Variants in YIPF4 observed in about 807,000 individuals in gnomAD.
YIPF4 encodes the protein protein YIPF4.
In YIPF4, 18 loss-of-function variants were observed where a neutral mutation model predicts 29.4. That is an observed-to-expected ratio of 0.61 (90% CI 0.42 to 0.91). YIPF4 has a LOEUF of 0.91. Ranked by LOEUF, YIPF4 falls within the 40% of genes least tolerant of loss-of-function variation. The pLI is 0.00. For synonymous variants in YIPF4, 115 were observed against 104.7 expected (o/e 1.10, Z -0.60); for missense variants, 279 against 282.7 (o/e 0.99, Z 0.09).
chr2:32,282,031 C>T (rs2030440061), intron 1 of YIPF4, among the ~76,000 whole-genome samples: 2 of 151,222 alleles, frequency 1.3e-5, no homozygotes, highest in African/African-American at 2.4e-5. Context: ...CCAGTGTGCT[C>T]CAGCCTAGGC....
intron 1 of YIPF4, among the ~76,000 whole-genome samples, chr2:32,280,016 T>G (rs2030321630): frequency 6.7e-6 from 1 of 150,030 alleles, no homozygotes; most frequent in Non-Finnish European, 1.5e-5. Context: ...CCCGCTTCAG[T>G]CTCCTGAGTA....
At chr2:32,285,327 T>A (rs974462078) in intron 1 of YIPF4, among the ~76,000 whole-genome samples, 12 of 152,252 alleles carry the variant, frequency 7.9e-5, no homozygotes, top group Non-Finnish European at 1.5e-5. Context: ...AATATTGAAT[T>A]TTAGATGCCT....
intron 3 of YIPF4, among the ~76,000 whole-genome samples, chr2:32,296,520 A>G (rs952920578): frequency 2.0e-5 from 3 of 151,944 alleles, no homozygotes; most frequent in African/African-American, 4.8e-5. Context: ...ATACCATCAT[A>G]GAACGTCACT....
intron 3 of YIPF4, among the ~76,000 whole-genome samples, chr2:32,294,880 C>T (rs567306197): frequency 2.6e-5 from 4 of 152,364 alleles, no homozygotes; most frequent in African/African-American, 4.8e-5. Flanking sequence ...GCCCGGCCAA[C>T]ACAGCGAAAC....
chr2:32,279,375 A>G (rs62134043), intron 1 of YIPF4, among the ~76,000 whole-genome samples: 9,465 of 148,488 alleles, frequency 0.064, 450 homozygotes, highest in Admixed American at 0.14. Flanking sequence ...TTTCAGTCTG[A>G]GAAAGAACCT....
At chr2:32,292,891 T>C (rs1178814109) in intron 3 of YIPF4, among the ~76,000 whole-genome samples, 1 of 148,258 alleles carries the variant, frequency 6.7e-6, no homozygotes, top group Non-Finnish European at 1.5e-5. Flanking sequence ...AAAGAAAATA[T>C]TAGTATTTGT....
In YIPF4 at chr2:32,306,726, C is replaced by T; in HGVS notation, c.*1100C>T. ...AAATAATTTCATAGGTTTTTAGATA[C>T]ACCTGTAGTTAATATTACTTTGTAA... On this transcript the variant is annotated 3_prime_UTR_variant, in exon 6 of 6. Coordinates refer to ENST00000238831, the MANE Select transcript of YIPF4 (RefSeq NM_032312.4). 2.7e-6 allele frequency: 1 copy of T among 373,124 alleles called. No individual in the cohort carries two copies. The highest frequency in any genetic ancestry group is 3.7e-6 in the Non-Finnish European group (1 of 270,350). The allele number at this position is 373,124 out of a possible 1,614,324, so 23.1% of individuals were successfully genotyped here. A position where few individuals can be genotyped will look rare whatever the true frequency, so the allele number is the denominator to read the frequency against.
In YIPF4 at chr2:32,305,695, G is replaced by T; in HGVS notation, c.*69G>T. On this transcript the variant is annotated 3_prime_UTR_variant, in exon 6 of 6. Transcript: ENST00000238831. ...TGTAGGCTGGGAATTCTTGCTGAAG[G>T]AATTGGAGAAAACCTGTTGCTGCAA... is the stretch of plus-strand genomic sequence containing the variant. 1 of 1,344,480 alleles carries T rather than the reference G, an allele frequency of 7.4e-7. No homozygotes were observed. The allele number at this position is 1,344,480 out of a possible 1,614,324, so 83.3% of individuals were successfully genotyped here. A position where few individuals can be genotyped will look rare whatever the true frequency, so the allele number is the denominator to read the frequency against.
Position 32,306,880 on chromosome 2 carries a change from G to A in YIPF4, c.*1254G>A, listed in dbSNP as rs1334364186. 4 of 260,276 alleles carry A rather than the reference G, an allele frequency of 1.5e-5. No individual in the cohort carries two copies. The highest frequency in any genetic ancestry group is 2.3e-5 in the African/African-American group (1 of 43,062). 16.1% of individuals were successfully genotyped at this position (260,276 alleles called of 1,614,324 possible). On this transcript the variant is annotated 3_prime_UTR_variant, in exon 6 of 6. Coordinates refer to ENST00000238831, the MANE Select transcript of YIPF4 (RefSeq NM_032312.4). Reference sequence around the variant, plus strand: ...GCTGTCCTCAGTATGATAACATGGCGACCTCTTGGTATGTATTTCTTTAGC... The same window carrying A: ...GCTGTCCTCAGTATGATAACATGGCAACCTCTTGGTATGTATTTCTTTAGC...
rs1162542220 is a variant in YIPF4 at position 32,310,343 on chromosome 2, A to G, written c.*4717A>G. 4 of 151,772 alleles carry G rather than the reference A, an allele frequency of 2.6e-5. No individual in the cohort carries two copies. The highest frequency in any genetic ancestry group is 4.4e-5 in the Non-Finnish European group (3 of 68,020). 9.4% of individuals were successfully genotyped at this position (151,772 alleles called of 1,614,324 possible). A position where few individuals can be genotyped will look rare whatever the true frequency, so the allele number is the denominator to read the frequency against. The stretch of plus-strand genomic sequence containing the variant: ...AGATCCTGCCTCTGAAAAAATCATA[A>G]TAATACTTTAATTTAGAAAATACCC... On this transcript the variant is annotated 3_prime_UTR_variant, in exon 6 of 6. Coordinates refer to ENST00000238831, the MANE Select transcript of YIPF4 (RefSeq NM_032312.4).
At chr2:32,284,814 A>G (rs1388161043) in intron 1 of YIPF4, among the ~76,000 whole-genome samples, 1 of 152,214 alleles carries the variant, frequency 6.6e-6, no homozygotes, top group African/African-American at 2.4e-5. Context: ...ATCCAGGTTC[A>G]TTCAGAGAAA....
intron 1 of YIPF4, 50 bp downstream of exon 1, chr2:32,278,284 G>C (rs2030203534): frequency 6.6e-7 from 1 of 1,506,564 alleles, no homozygotes; most frequent in African/African-American, 1.4e-5. Context: ...GCCAGGGCCC[G>C]ACGCCGTAGG....
Position 32,307,827 on chromosome 2 carries a change from G to GCTGA in YIPF4, c.*2202_*2205dup, listed in dbSNP as rs1458964212. ...CTGTATAATCCCAGCTACTCAGGAG[G>GCTGA]CTGAGGCAGGGAGAATCGCTTGAAC... On this transcript the variant is annotated 3_prime_UTR_variant, in exon 6 of 6. Coordinates refer to ENST00000238831, the MANE Select transcript of YIPF4 (RefSeq NM_032312.4). The GCTGA allele has an allele frequency of 1.3e-5, 2 of 151,504 alleles. No homozygotes were observed. The highest frequency in any genetic ancestry group is 3.9e-4 in the East Asian group (2 of 5,110). 9.4% of individuals were successfully genotyped at this position (151,504 alleles called of 1,614,324 possible).
At chr2:32,284,417 T>C (rs1485723478) in intron 1 of YIPF4, among the ~76,000 whole-genome samples, 2 of 152,098 alleles carry the variant, frequency 1.3e-5, no homozygotes, top group Non-Finnish European at 2.9e-5. Flanking sequence ...AGAGGCCTGG[T>C]GGGAGGTGAC....
chr2:32,303,091 A>T (rs1190982389), intron 5 of YIPF4, among the ~76,000 whole-genome samples: 1 of 152,180 alleles, frequency 6.6e-6, no homozygotes, highest in Admixed American at 6.6e-5. Flanking sequence ...CTGATCAGGC[A>T]TGGTGGCTAC....
intron 1 of YIPF4, among the ~76,000 whole-genome samples, chr2:32,278,514 TTGGACCCACAAAATCC>T (rs1553351301): frequency 6.6e-6 from 1 of 152,136 alleles, no homozygotes; most frequent in Non-Finnish European, 1.5e-5. Context: ...GTCTCTTCAA[TTGGACCCACAAAATCC>T]TAAGCTTTTA....
At chr2:32,296,591 A>T (rs1245052578) in intron 3 of YIPF4, among the ~76,000 whole-genome samples, 1 of 152,156 alleles carries the variant, frequency 6.6e-6, no homozygotes, top group African/African-American at 2.4e-5. Flanking sequence ...TTTTGGCAAG[A>T]ATATCACAGA....
At position 32,278,123 on chromosome 2, in the gene YIPF4, C is replaced by T. The variant is rs1190356761; in HGVS notation, c.-33C>T. On this transcript the variant is annotated 5_prime_UTR_variant, in exon 1 of 6. Transcript: ENST00000238831. ...CGGGGTCTGGGCCCAGCCGCAGCCT[C>T]TTCTACCGCGGCCGGTTGGGAGTCG... 2 of 1,540,596 alleles carry T rather than the reference C, an allele frequency of 1.3e-6. No individual in the cohort carries two copies. Among genetic ancestry groups the T allele is most frequent in the Non-Finnish European group, 1.7e-6 (2 of 1,143,166 alleles).
intron 3 of YIPF4, among the ~76,000 whole-genome samples, chr2:32,297,047 C>T (rs1040115344): frequency 2.4e-4 from 37 of 152,062 alleles, no homozygotes; most frequent in East Asian, 1.9e-4. Flanking sequence ...TTGAGTACTT[C>T]CTTTCCTTCT....
Sources: allele counts gnomAD v4.1 joint callset (sites outside exome capture counted in the v4.1 genomes callset), GRCh38; gene constraint gnomAD v4.1.1; transcripts MANE v1.5; gene names NCBI Gene and HGNC (gene_info 2026-07-23, HGNC 2026-07-21).